Variants in DDIT3 observed in about 807,000 individuals in gnomAD.
The protein encoded by DDIT3 is DNA damage inducible transcript 3, also known as DNA damage-inducible transcript 3 protein.
In DDIT3, 14 loss-of-function variants were observed where a neutral mutation model predicts 17.6. The ratio of observed to expected loss-of-function variants is 0.80; its 90% CI spans 0.53 to 1.25. The LOEUF is 1.25. Among genes scored for constraint, DDIT3 ranks in the 50% most tolerant of loss-of-function variants. DDIT3 has a pLI of 0.00. For missense variants in DDIT3, 216 were observed against 202.7 expected (o/e 1.07, Z -0.40); for synonymous variants, 93 against 76.5 (o/e 1.22, Z -1.13).
At position 57,517,696 on chromosome 12, in the gene DDIT3, T is replaced by C; in HGVS notation, c.-33+10A>G. 2 of 571,634 alleles carry C rather than the reference T, an allele frequency of 3.5e-6. No homozygotes were observed. Among genetic ancestry groups the C allele is most frequent in the South Asian group, 4.6e-5 (2 of 43,188 alleles). 35.4% of individuals were successfully genotyped at this position (571,634 alleles called of 1,614,324 possible). On this transcript the variant is annotated intron_variant, in intron 2 of 3. Coordinates refer to ENST00000346473, the MANE Select transcript of DDIT3 (RefSeq NM_004083.6). ...TTTAAAATTTTTGGAAAAGGGTAGG[T>C]TAAGTTTACCTGCTTTCAGGTGTGG...
Position 57,520,485 on chromosome 12 carries a change from C to A in DDIT3, c.-148G>T, listed in dbSNP as rs1474160785. ...CCACCCGCTCATCTTTAACATGATA[C>A]GCTCAGTGCCTTAGACTTAAGTCTC... On this transcript the variant is annotated 5_prime_UTR_variant, in exon 1 of 4. Coordinates refer to ENST00000346473, the MANE Select transcript of DDIT3 (RefSeq NM_004083.6). 7.5e-6 allele frequency: 3 copies of A among 398,550 alleles called. No homozygotes were observed. Among genetic ancestry groups the A allele is most frequent in the Non-Finnish European group, 1.3e-5 (3 of 226,104 alleles). 24.7% of individuals were successfully genotyped at this position (398,550 alleles called of 1,614,324 possible). A position where few individuals can be genotyped will look rare whatever the true frequency, so the allele number is the denominator to read the frequency against.
At chr12:57,517,914 C>T (rs1209707713) in intron 1 of DDIT3, among the ~76,000 whole-genome samples, 161 bp from the exon 2 acceptor site, 1 of 151,782 alleles carries the variant, frequency 6.6e-6, no homozygotes. Flanking sequence ...GCAACCTCTG[C>T]CTCCTCGGTT....
chr12:57,519,083 C>A, intron 1 of DDIT3: 1 of 530,156 alleles, frequency 1.9e-6, no homozygotes, highest in South Asian at 1.4e-5. Context: ...CAGAAACTTT[C>A]TGACTGCAGA....
chr12:57,517,625 A>G (rs1877969468), intron 2 of DDIT3, 81 bp downstream of exon 2: 3 of 649,602 alleles, frequency 4.6e-6, no homozygotes, highest in East Asian at 2.7e-5. Context: ...GAGTCACGCT[A>G]GAGACTATAG....
chr12:57,519,591 C>T (rs1215921622), intron 1 of DDIT3, among the ~76,000 whole-genome samples: 1 of 152,218 alleles, frequency 6.6e-6, no homozygotes, highest in African/African-American at 2.4e-5. Flanking sequence ...GCTGTCCTCC[C>T]TGGGGAACCC....
intron 1 of DDIT3, among the ~76,000 whole-genome samples, chr12:57,517,955 T>C (rs28382846): frequency 0.017 from 2,538 of 152,016 alleles, 82 homozygotes; most frequent in African/African-American, 0.057. Flanking sequence ...GCCTCCCGAG[T>C]AGCTGGGACT....
intron 1 of DDIT3, among the ~76,000 whole-genome samples, chr12:57,517,972 G>A (rs1300413615): frequency 1.2e-4 from 19 of 152,068 alleles, no homozygotes; most frequent in Middle Eastern, 3.4e-3. Flanking sequence ...GACTACAGGC[G>A]CGTGCCACCA....
At chr12:57,519,318 C>G in intron 1 of DDIT3, 2 of 431,878 alleles carry the variant, frequency 4.6e-6, no homozygotes, top group South Asian at 3.3e-5. Context: ...TTCTCCATTC[C>G]TTTCTCTGCT....
In DDIT3 at chr12:57,516,917, T is replaced by C; in HGVS notation, c.402A>G (p.Leu134=). 6.2e-7 allele frequency: 1 copy of C among 1,614,174 alleles called. No homozygotes were observed. Among genetic ancestry groups the C allele is most frequent in the South Asian group, 1.1e-5 (1 of 91,088 alleles). The part of the protein sequence containing the change: ...EQENERKVAQ[L]AEENERLKQE... Reference sequence around the variant, plus strand: ...GCTTGAGCCGTTCATTCTCTTCAGCTAGCTGTGCCACTTTCCTTTCATTCT... The same window carrying C: ...GCTTGAGCCGTTCATTCTCTTCAGCCAGCTGTGCCACTTTCCTTTCATTCT... The change falls in exon 4 of 4, where the codon CTA becomes CTG. Residue 134 remains leucine, a synonymous_variant. Coordinates refer to ENST00000346473, the MANE Select transcript of DDIT3 (RefSeq NM_004083.6).
intron 1 of DDIT3, chr12:57,519,213 C>A (rs1206152456): frequency 1.9e-6 from 1 of 533,026 alleles, no homozygotes; most frequent in Non-Finnish European, 3.8e-6. Context: ...CTTCCTATTT[C>A]ATGTCATGGA....
chr12:57,520,226 C>T (rs1330531133), intron 1 of DDIT3, among the ~76,000 whole-genome samples, 192 bp downstream of exon 1: 3 of 152,184 alleles, frequency 2.0e-5, no homozygotes, highest in Admixed American at 2.0e-4. Context: ...CGGCTCCGGG[C>T]AGGGGTGGAG....
Position 57,517,354 on chromosome 12 carries a change from A to G in DDIT3, c.53T>C (p.Leu18Pro), listed in dbSNP as rs1413035036. 1.2e-6 allele frequency: 2 copies of G among 1,613,716 alleles called. No homozygotes were observed. The highest frequency in any genetic ancestry group is 1.7e-6 in the Non-Finnish European group (2 of 1,180,036). ...TTGCAGGTCCTCATACCAGGCTTCC[A>G]GCTCCCAGCTGGACAGTGTCCCGAA... is the stretch of plus-strand genomic sequence containing the variant. ...FSFGTLSSWE[L>P]EAWYEDLQEV... The change falls in exon 3 of 4, where the codon CTG becomes CCG. Residue 18 changes from leucine to proline, a missense_variant. Physicochemically the swap from Leu to Pro is moderately conservative, Grantham distance 98. Coordinates refer to ENST00000346473, the MANE Select transcript of DDIT3 (RefSeq NM_004083.6).
At position 57,516,798 on chromosome 12, in the gene DDIT3, C is replaced by T. The variant is rs774493745; in HGVS notation, c.*11G>A. On this transcript the variant is annotated 3_prime_UTR_variant, in exon 4 of 4. Coordinates refer to ENST00000346473, the MANE Select transcript of DDIT3 (RefSeq NM_004083.6). ...GTGTGGCCCAAGTGGGGGACTGATGCTCCCAATTGTTCATGCTTGGTGCAG... is the reference window on the plus strand; with the variant it reads ...GTGTGGCCCAAGTGGGGGACTGATGTTCCCAATTGTTCATGCTTGGTGCAG... 5.6e-6 allele frequency: 9 copies of T among 1,606,000 alleles called. No homozygotes were observed. In the African/African-American group the frequency reaches 9.4e-5, roughly 17 times the overall value.
At chr12:57,519,770 C>T (rs980390462) in intron 1 of DDIT3, among the ~76,000 whole-genome samples, 1 of 152,204 alleles carries the variant, frequency 6.6e-6, no homozygotes, top group Non-Finnish European at 1.5e-5. Flanking sequence ...AAGGACAATA[C>T]CCTGGGGAGA....
In DDIT3 at chr12:57,516,653, C is replaced by T. The variant is rs1877860398; in HGVS notation, c.*156G>A. On this transcript the variant is annotated 3_prime_UTR_variant, in exon 4 of 4. Transcript: ENST00000346473. ...TAAATAAATGTACAATCTCTATATA[C>T]AAGCTGAGACCTTTCCTTTTGTCTA... 1 of 1,523,788 alleles carries T rather than the reference C, an allele frequency of 6.6e-7. No individual in the cohort carries two copies. Among genetic ancestry groups the T allele is most frequent in the African/African-American group, 1.4e-5 (1 of 71,528 alleles). 94.4% of individuals were successfully genotyped at this position (1,523,788 alleles called of 1,614,324 possible). A position where few individuals can be genotyped will look rare whatever the true frequency, so the allele number is the denominator to read the frequency against.
In DDIT3 at chr12:57,516,858, G is replaced by A. The variant is rs568713877; in HGVS notation, c.461C>T (p.Ala154Val). 17 of 1,613,170 alleles carry A rather than the reference G, an allele frequency of 1.1e-5. No individual in the cohort carries two copies. The highest frequency in any genetic ancestry group is 4.4e-5 in the South Asian group (4 of 91,080). ...TCGGTCAATCAGAGCTCGGCGAGTC[G>A]CCTCTACTTCCCTGGTCAGGCGCTC... is the stretch of plus-strand genomic sequence containing the variant. ...EIERLTREVEATRRALIDRMV... is the reference protein window; with the variant it reads ...EIERLTREVEVTRRALIDRMV... Residue 154 changes from alanine (A) to valine (V), a missense_variant, in exon 4 of 4, where the codon GCG becomes GTG. Ala to Val is a moderately conservative substitution (Grantham distance 64). Transcript: ENST00000346473.
Position 57,517,094 on chromosome 12 carries a change from G to A in DDIT3, c.225C>T (p.Ser75=). ...EEEPEPAEVT[S]TSQSPHSPDS... ...CTGGAGAGTGAGGGCTCTGGGAGGTGCTTGTGACCTCTGCTGGTTCTGGCT... is the reference window on the plus strand; with the variant it reads ...CTGGAGAGTGAGGGCTCTGGGAGGTACTTGTGACCTCTGCTGGTTCTGGCT... The change falls in exon 4 of 4, where the codon AGC becomes AGT. Residue 75 remains serine, a synonymous_variant. Coordinates refer to ENST00000346473, the MANE Select transcript of DDIT3 (RefSeq NM_004083.6). 2 of 1,614,152 alleles carry A rather than the reference G, an allele frequency of 1.2e-6. No individual in the cohort carries two copies. The highest frequency in any genetic ancestry group is 1.7e-6 in the Non-Finnish European group (2 of 1,180,018).
At chr12:57,520,303 C>T (rs1333741134) in intron 1 of DDIT3, 115 bp downstream of exon 1, 8 of 397,466 alleles carry the variant, frequency 2.0e-5, no homozygotes, top group African/African-American at 1.6e-4. Flanking sequence ...TCTCCCCATT[C>T]CTCTCTCGGA....
intron 2 of DDIT3, 56 bp downstream of exon 2, chr12:57,517,650 A>G (rs772344573): frequency 9.0e-5 from 55 of 610,874 alleles, no homozygotes; most frequent in Non-Finnish European, 1.4e-4. Flanking sequence ...TTTAACATCT[A>G]AAATATTTAC....
Sources: allele counts gnomAD v4.1 joint callset (sites outside exome capture counted in the v4.1 genomes callset), GRCh38; gene constraint gnomAD v4.1.1; transcripts MANE v1.5; gene names NCBI Gene and HGNC (gene_info 2026-07-23, HGNC 2026-07-21).